Variants in IFNGR2 observed in about 807,000 individuals in gnomAD.
IFNGR2 encodes interferon gamma receptor 2.
IFNGR2 carries 15 observed loss-of-function variants against 41.1 expected under a neutral mutation model. That is an observed-to-expected ratio of 0.37 (90% CI 0.24 to 0.56). The LOEUF is 0.56. Among genes scored for constraint, IFNGR2 ranks in the 20% least tolerant of loss-of-function variants. IFNGR2 has a pLI of 0.81. For missense variants in IFNGR2, 362 were observed against 415.7 expected, an observed-to-expected ratio of 0.87 and a Z score of 1.12; for synonymous variants, 161 against 171.6, an observed-to-expected ratio of 0.94 and a Z score of 0.48.
intron 2 of IFNGR2, among the ~76,000 whole-genome samples, chr21:33,415,826 ATGTG>A (rs143825499): frequency 5.3e-5 from 8 of 151,404 alleles, no homozygotes; most frequent in African/African-American, 1.9e-4. Context: ...TAGTTTTCCA[ATGTG>A]TGTGTGTGTG....
intron 1 of IFNGR2, among the ~76,000 whole-genome samples, chr21:33,413,332 CTGGT>C (rs1272109321): frequency 1.3e-5 from 2 of 152,124 alleles, no homozygotes; most frequent in African/African-American, 4.8e-5. Context: ...GTGTTGTTAG[CTGGT>C]TGGGTGAAGG....
intron 3 of IFNGR2, among the ~76,000 whole-genome samples, chr21:33,426,401 G>A (rs957005843): frequency 2.0e-5 from 3 of 151,336 alleles, no homozygotes; most frequent in Admixed American, 6.6e-5. Context: ...TGATATGTGC[G>A]AGATTCCATC....
chr21:33,437,138 T>A lies in IFNGR2; in HGVS notation c.*176T>A, dbSNP rs1174388095. ...TGGGGGTGACAAGCTTTTTTTTTTT[T>A]TCTTAAAGAATTTTCAAAATCAAAT... On this transcript the variant is annotated 3_prime_UTR_variant, in exon 7 of 7. Transcript: ENST00000290219. The A allele has an allele frequency of 1.0e-5, 6 of 593,252 alleles. No individual in the cohort carries two copies. Among genetic ancestry groups the A allele is most frequent in the Non-Finnish European group, 1.5e-5 (5 of 337,000 alleles). 36.7% of individuals were successfully genotyped at this position (593,252 alleles called of 1,614,324 possible).
intron 4 of IFNGR2, among the ~76,000 whole-genome samples, chr21:33,431,902 A>G (rs1169201257): frequency 6.6e-6 from 1 of 152,250 alleles, no homozygotes; most frequent in Non-Finnish European, 1.5e-5. Context: ...AGATTATCCT[A>G]GAAATTGGGA....
At chr21:33,425,347 A>C (rs17878946) in intron 3 of IFNGR2, among the ~76,000 whole-genome samples, 4,965 of 152,180 alleles carry the variant, frequency 0.033, 263 homozygotes, top group African/African-American at 0.11. Flanking sequence ...CTGTGAGAGG[A>C]GGCAGATTGT....
At chr21:33,410,257 C>T (rs778325020) in intron 1 of IFNGR2, among the ~76,000 whole-genome samples, 2 of 149,824 alleles carry the variant, frequency 1.3e-5, no homozygotes, top group African/African-American at 2.5e-5. Context: ...GCCTCCACCT[C>T]CCAGGTTCAA....
At chr21:33,429,719 C>T (rs968138078) in intron 4 of IFNGR2, among the ~76,000 whole-genome samples, 4 of 152,150 alleles carry the variant, frequency 2.6e-5, no homozygotes, top group Non-Finnish European at 5.9e-5. Flanking sequence ...CTCTGTGTAG[C>T]GTATGCCAAA....
intron 5 of IFNGR2, 117 bp from the exon 6 acceptor site, chr21:33,432,597 G>T: frequency 8.7e-7 from 1 of 1,153,288 alleles, no homozygotes; most frequent in South Asian, 1.2e-5. Context: ...GGGGTAGAGG[G>T]ACTTGCCCAT....
rs971373258 is a variant in IFNGR2, at chr21:33,436,995, G to A, written c.*33G>A. The A allele has an allele frequency of 6.2e-7, 1 of 1,612,518 alleles. No individual in the cohort carries two copies. Among genetic ancestry groups the A allele is most frequent in the Admixed American group, 1.7e-5 (1 of 60,008 alleles). ...CATGGGCCTAGCCCACTGGCTCCCT[G>A]GAAGAGATCAAGCCATCGGAGCTGC... On this transcript the variant is annotated 3_prime_UTR_variant, in exon 7 of 7. Coordinates refer to ENST00000290219, the MANE Select transcript of IFNGR2 (RefSeq NM_005534.4).
intron 1 of IFNGR2, among the ~76,000 whole-genome samples, chr21:33,414,159 G>T (rs1314876111): frequency 6.6e-6 from 1 of 152,132 alleles, no homozygotes; most frequent in African/African-American, 2.4e-5. Context: ...TTTAATGTGT[G>T]TGAGAAGCAG....
At chr21:33,422,098 A>C (rs985302403) in intron 3 of IFNGR2, among the ~76,000 whole-genome samples, 1 of 152,234 alleles carries the variant, frequency 6.6e-6, no homozygotes, top group Non-Finnish European at 1.5e-5. Context: ...GGATGCTAGC[A>C]TATCTCTCTG....
intron 1 of IFNGR2, among the ~76,000 whole-genome samples, chr21:33,414,634 T>C (rs1414218605): frequency 6.6e-6 from 1 of 152,168 alleles, no homozygotes; most frequent in Non-Finnish European, 1.5e-5. Context: ...TCGTAACAAC[T>C]GGGACCTGCA....
Position 33,405,103 on chromosome 21 carries a change from GAAAAAAAA to G in IFNGR2, c.73+1500_73+1507del, listed in dbSNP as rs3057379. 5.7e-3 allele frequency among the ~76,000 whole-genome samples: 680 copies of G among 119,830 alleles called. 6 individuals carry two copies. Among genetic ancestry groups the G allele is most frequent in the African/African-American group, 0.019 (649 of 33,828 alleles). The allele number at this position is 119,830 out of a possible 152,430, so 78.6% of individuals were successfully genotyped here. ...GGCGACAGAGCAAGACTCTGTCTCA[GAAAAAAAA>G]AAAAAAAAAAAAGAAAAAGAGGAAA... On this transcript the variant is annotated intron_variant, in intron 1 of 6. Transcript: ENST00000290219.
At chr21:33,432,900 T>C (rs750536049) in intron 6 of IFNGR2, 29 bp downstream of exon 6, 2 of 1,596,902 alleles carry the variant, frequency 1.3e-6, no homozygotes, top group Non-Finnish European at 1.7e-6. Context: ...CTTTTTTTTT[T>C]TTTGAGACAG....
At chr21:33,423,810 T>C (rs1046980232) in intron 3 of IFNGR2, among the ~76,000 whole-genome samples, 5 of 145,762 alleles carry the variant, frequency 3.4e-5, no homozygotes, top group African/African-American at 1.3e-4. Flanking sequence ...CTGGGGAATA[T>C]AGCAAGACCC....
intron 2 of IFNGR2, 140 bp downstream of exon 2, chr21:33,415,160 A>C: frequency 8.8e-7 from 1 of 1,130,046 alleles, no homozygotes; most frequent in South Asian, 1.2e-5. Context: ...GGAGCTTGTA[A>C]AATCTCTGAG....
intron 1 of IFNGR2, among the ~76,000 whole-genome samples, chr21:33,408,289 C>G (rs1200396359): frequency 6.6e-6 from 1 of 151,996 alleles, no homozygotes; most frequent in African/African-American, 2.4e-5. Context: ...CTCCACCTCC[C>G]GGGTTCAAGT....
rs1166380692 is a variant in IFNGR2 at position 33,426,880 on chromosome 21, T to G, written c.413-4T>G. 14 of 1,613,254 alleles carry G rather than the reference T, an allele frequency of 8.7e-6. No individual in the cohort carries two copies. Among genetic ancestry groups the G allele is most frequent in the East Asian group, 2.2e-5 (1 of 44,878 alleles). Reference sequence around the variant, plus strand: ...GTGGTTTTCTCTTTGTAATTCTTTTTCAGTGACTGTCGGGCCTCCAGAAAA... The same window carrying G: ...GTGGTTTTCTCTTTGTAATTCTTTTGCAGTGACTGTCGGGCCTCCAGAAAA... On this transcript the variant is annotated splice_polypyrimidine_tract_variant and splice_region_variant and intron_variant, in intron 3 of 6. Transcript: ENST00000290219.
chr21:33,421,025 C>T (rs552145360), intron 2 of IFNGR2, among the ~76,000 whole-genome samples: 23 of 151,854 alleles, frequency 1.5e-4, no homozygotes, highest in African/African-American at 4.6e-4. Flanking sequence ...AGTAAAACCC[C>T]GTTTCTACTA....
Sources: gnomAD v4.1 joint callset for allele counts (sites outside exome capture counted in the v4.1 genomes callset) on GRCh38, gnomAD v4.1.1 for gene constraint, MANE v1.5 for transcripts, NCBI Gene and HGNC (gene_info 2026-07-23, HGNC 2026-07-21) for gene names.